Variants in LYRM1 observed in about 807,000 individuals in gnomAD.
LYRM1 encodes the protein LYR motif-containing protein 1.
Under a neutral mutation model 14.9 loss-of-function variants are expected in LYRM1, and 14 were observed. The ratio of observed to expected loss-of-function variants is 0.94; its 90% CI spans 0.62 to 1.47. The LOEUF (loss-of-function observed/expected upper bound fraction) is 1.47. Ranked by LOEUF, LYRM1 falls within the 40% of genes most tolerant of loss-of-function variation. The pLI is 0.00. For missense variants in LYRM1, 153 were observed against 149.9 expected (o/e 1.02, Z -0.11); for synonymous variants, 43 against 56.2 (o/e 0.77, Z 1.05).
chr16:20,914,104 G>C (rs985944642), intron 1 of LYRM1, among the ~76,000 whole-genome samples: 1 of 151,956 alleles, frequency 6.6e-6, no homozygotes, highest in African/African-American at 2.4e-5. Flanking sequence ...CACTGCACCC[G>C]GCCAGTCATC....
chr16:20,902,892 C>T (rs1410149744), intron 1 of LYRM1, among the ~76,000 whole-genome samples: 3 of 152,306 alleles, frequency 2.0e-5, no homozygotes. Context: ...ATCAGCCATA[C>T]AATCCAACAG....
At position 20,924,024 on chromosome 16, in the gene LYRM1, AC is replaced by A; in HGVS notation, c.281del (p.Pro94HisfsTer13). 1 of 1,611,066 alleles carries A rather than the reference AC, an allele frequency of 6.2e-7. No individual in the cohort carries two copies. Among genetic ancestry groups the A allele is most frequent in the Non-Finnish European group, 8.5e-7 (1 of 1,177,452 alleles). On this transcript the variant is annotated frameshift_variant, in exon 4 of 4. Transcript: ENST00000567954. LOFTEE classifies it high-confidence loss of function. ...RPIHLPPMGL[T>X]PLRGRGLRSQ... is the part of the protein sequence containing the mutation. ...GATTCATCTGCCTCCAATGGGCCTT[AC>A]CCCACTCCGAGGCCGGGGACTTCGA... is the stretch of plus-strand genomic sequence containing the variant.
chr16:20,907,251 G>A (rs1280788406), intron 1 of LYRM1, among the ~76,000 whole-genome samples: 1 of 152,182 alleles, frequency 6.6e-6, no homozygotes. Flanking sequence ...TGTCTTTTGC[G>A]CTTAAGACCA....
At chr16:20,910,449 T>G (rs1300501120) in intron 1 of LYRM1, among the ~76,000 whole-genome samples, 1 of 152,232 alleles carries the variant, frequency 6.6e-6, no homozygotes, top group Non-Finnish European at 1.5e-5. Context: ...TAAAGTGTTT[T>G]GAAAATAGTC....
chr16:20,912,480 C>T (rs2082645622), intron 1 of LYRM1, among the ~76,000 whole-genome samples: 1 of 149,472 alleles, frequency 6.7e-6, no homozygotes, highest in Non-Finnish European at 1.5e-5. Context: ...ACCTTGTTAG[C>T]CAGGATGGTC....
At chr16:20,913,233 G>A (rs904233228) in intron 1 of LYRM1, among the ~76,000 whole-genome samples, 4 of 151,684 alleles carry the variant, frequency 2.6e-5, no homozygotes, top group Non-Finnish European at 5.9e-5. Flanking sequence ...GGGTACAGTG[G>A]GGGTTTCTAC....
intron 1 of LYRM1, among the ~76,000 whole-genome samples, chr16:20,912,707 G>C (rs1208440942): frequency 6.6e-6 from 1 of 152,076 alleles, no homozygotes; most frequent in Admixed American, 6.6e-5. Flanking sequence ...GTAACAACAT[G>C]GATGAATCTT....
chr16:20,912,386 C>G (rs1272780227), intron 1 of LYRM1, among the ~76,000 whole-genome samples: 1 of 152,128 alleles, frequency 6.6e-6, no homozygotes, highest in East Asian at 1.9e-4. Flanking sequence ...TCTCCTGCCT[C>G]AGCCTCCCGA....
intron 2 of LYRM1, among the ~76,000 whole-genome samples, chr16:20,917,541 C>G (rs971846862): frequency 7.2e-5 from 11 of 152,254 alleles, no homozygotes; most frequent in Admixed American, 3.3e-4. Flanking sequence ...TGGTGGATCA[C>G]TTGAGGTCAG....
Position 20,915,674 on chromosome 16 carries a change from T to G in LYRM1, c.119T>G (p.Ile40Arg). The G allele has an allele frequency of 6.2e-7, 1 of 1,614,088 alleles. No individual in the cohort carries two copies. Among genetic ancestry groups the G allele is most frequent in the Non-Finnish European group, 8.5e-7 (1 of 1,179,998 alleles). The change falls in exon 2 of 4, where the codon ATA becomes AGA. Residue 40 changes from isoleucine (I) to arginine (R), a missense_variant. Transcript: ENST00000567954. ...MEDTIKEKQYILNEARTLFRK... is the reference protein window; with the variant it reads ...MEDTIKEKQYRLNEARTLFRK... ...GACACCATCAAAGAAAAACAGTACA[T>G]ACTAAATGAAGCCAGAACGCTGTTC...
chr16:20,916,953 C>G (rs1341404182), intron 2 of LYRM1, among the ~76,000 whole-genome samples: 2 of 151,988 alleles, frequency 1.3e-5, no homozygotes, highest in African/African-American at 4.8e-5. Flanking sequence ...CATGGTGGCT[C>G]ACGCCTGTAA....
chr16:20,906,279 GCAAATAGGCAAAGAA>G (rs2082316244), intron 1 of LYRM1, among the ~76,000 whole-genome samples: 1 of 152,216 alleles, frequency 6.6e-6, no homozygotes. Context: ...GGTGGAAGCA[GCAAATAGGCAAAGAA>G]AGGGTATTTC....
At position 20,915,665 on chromosome 16, in the gene LYRM1, A is replaced by C; in HGVS notation, c.110A>C (p.Lys37Thr). 1 of 1,614,184 alleles carries C rather than the reference A, an allele frequency of 6.2e-7. No individual in the cohort carries two copies. Among genetic ancestry groups the C allele is most frequent in the Non-Finnish European group, 8.5e-7 (1 of 1,180,030 alleles). ...SGQMEDTIKE[K>T]QYILNEARTL... ...CAGATGGAAGACACCATCAAAGAAAAACAGTACATACTAAATGAAGCCAGA... is the reference window on the plus strand; with the variant it reads ...CAGATGGAAGACACCATCAAAGAAACACAGTACATACTAAATGAAGCCAGA... Residue 37 changes from lysine (K) to threonine (T), a missense_variant, in exon 2 of 4, where the codon AAA becomes ACA. By Grantham distance (78) the Lys-to-Thr change is moderately conservative (BLOSUM62 -1). Coordinates refer to ENST00000567954, the MANE Select transcript of LYRM1 (RefSeq NM_001128302.3).
At chr16:20,904,855 C>T in intron 1 of LYRM1, among the ~76,000 whole-genome samples, 1 of 151,754 alleles carries the variant, frequency 6.6e-6, no homozygotes, top group East Asian at 1.9e-4. Context: ...GAGAAAAGTG[C>T]CCTGAGGGAT....
At chr16:20,913,303 A>G (rs1449092767) in intron 1 of LYRM1, among the ~76,000 whole-genome samples, 1 of 143,036 alleles carries the variant, frequency 7.0e-6, no homozygotes, top group African/African-American at 2.5e-5. Context: ...TATTGGTCTC[A>G]GTATCTTTTC....
chr16:20,922,513 G>A (rs772550483), intron 3 of LYRM1, among the ~76,000 whole-genome samples: 4 of 151,314 alleles, frequency 2.6e-5, no homozygotes, highest in East Asian at 2.0e-4. Context: ...TTTTTTAGAC[G>A]GAGTCTCGCA....
At chr16:20,907,464 G>A (rs1289180936) in intron 1 of LYRM1, among the ~76,000 whole-genome samples, 2 of 152,116 alleles carry the variant, frequency 1.3e-5, no homozygotes, top group Non-Finnish European at 2.9e-5. Flanking sequence ...GGGCTCAAGG[G>A]ATCCTCCCAC....
chr16:20,914,082 A>G (rs2082738964), intron 1 of LYRM1, among the ~76,000 whole-genome samples: 1 of 152,276 alleles, frequency 6.6e-6, no homozygotes. Context: ...TGCTGGGATA[A>G]CAGGCATGAG....
chr16:20,917,963 G>A (rs557394781), intron 2 of LYRM1, among the ~76,000 whole-genome samples: 1 of 151,670 alleles, frequency 6.6e-6, no homozygotes, highest in Non-Finnish European at 1.5e-5. Flanking sequence ...AAATGAATGA[G>A]CAGCTATAAA....
Sources: gnomAD v4.1 joint callset for allele counts (sites outside exome capture counted in the v4.1 genomes callset) on GRCh38, gnomAD v4.1.1 for gene constraint, MANE v1.5 for transcripts, NCBI Gene and HGNC (gene_info 2026-07-23, HGNC 2026-07-21) for gene names.